The following CALN1 variants were observed in gnomAD, a reference collection of about 807,000 sequenced individuals.
CALN1 encodes the protein calneuron 1, also known as calcium-binding protein 8.
CALN1 carries 17 observed loss-of-function variants against 30.6 expected under a neutral mutation model. The ratio of observed to expected loss-of-function variants is 0.56; its 90% CI spans 0.38 to 0.83. The LOEUF is 0.83. Ranked by LOEUF, CALN1 falls within the 40% of genes least tolerant of loss-of-function variation. CALN1 has a pLI of 0.00. For missense variants in CALN1, 291 were observed against 354.9 expected, an observed-to-expected ratio of 0.82 and a Z score of 1.45; for synonymous variants, 156 against 131.4, an observed-to-expected ratio of 1.19 and a Z score of -1.28.
intron 2 of CALN1, among the ~76,000 whole-genome samples, chr7:72,291,924 T>C (rs974194889): frequency 1.3e-5 from 2 of 151,896 alleles, no homozygotes; most frequent in Non-Finnish European, 2.9e-5. Flanking sequence ...ATGTTGAAAT[T>C]CTTATTGCCA....
At chr7:72,314,706 T>C (rs1800314987) in intron 2 of CALN1, among the ~76,000 whole-genome samples, 2 of 151,700 alleles carry the variant, frequency 1.3e-5, no homozygotes, top group South Asian at 4.2e-4. Context: ...TGAGCCACCG[T>C]GCCCGGCCAT....
intron 4 of CALN1, among the ~76,000 whole-genome samples, chr7:72,038,020 G>A (rs1463439349): frequency 2.0e-5 from 3 of 152,232 alleles, no homozygotes; most frequent in African/African-American, 7.2e-5. Flanking sequence ...ACTTCAACCA[G>A]AGGGGAAGGG....
At chr7:72,381,301 A>G (rs1012889944) in intron 2 of CALN1, among the ~76,000 whole-genome samples, 4 of 152,236 alleles carry the variant, frequency 2.6e-5, no homozygotes, top group African/African-American at 9.6e-5. Context: ...ATCGAGAACC[A>G]GAAATACCAT....
At chr7:72,196,831 T>G (rs1322141632) in intron 3 of CALN1, among the ~76,000 whole-genome samples, 1 of 152,172 alleles carries the variant, frequency 6.6e-6, no homozygotes, top group Non-Finnish European at 1.5e-5. Context: ...ACTGGGTCAT[T>G]TGCCCAGCAG....
rs548374678 is a variant in CALN1 at position 72,274,624 on chromosome 7, A to G, written c.244+4062T>C. ...ATTCCATATAATGCACTCTAAAAGT[A>G]TAAGATATTGCTAATAAATCTGGTA... On this transcript the variant is annotated intron_variant, in intron 3 of 6. Transcript: ENST00000395275. Among the ~76,000 whole-genome samples the G allele has an allele frequency of 2.6e-5, 4 of 152,340 alleles. No homozygotes were observed. The South Asian group carries it at 8.3e-4, about 32-fold the overall frequency.
chr7:71,804,697 T>C (rs1054003915), intron 6 of CALN1, among the ~76,000 whole-genome samples: 1 of 152,042 alleles, frequency 6.6e-6, no homozygotes, highest in African/African-American at 2.4e-5. Flanking sequence ...CACATGCCTG[T>C]AATCCCAGCA....
intron 5 of CALN1, among the ~76,000 whole-genome samples, chr7:71,839,676 G>A (rs7790027): frequency 0.14 from 21,764 of 152,190 alleles, 1,676 homozygotes; most frequent in Non-Finnish European, 0.17. Context: ...GAGACCAGGA[G>A]TGCCAACTCA....
chr7:71,980,823 C>T lies in CALN1; in HGVS notation c.501+42834G>A, dbSNP rs558120909. ...GAGAGAGGTAGCGGGGTGCTCCTCC[C>T]CTCCTGTGGAAAGATGTCTAAAATT... is the stretch of plus-strand genomic sequence containing the variant. On this transcript the variant is annotated intron_variant, in intron 5 of 6. Coordinates refer to ENST00000395275, the MANE Select transcript of CALN1 (RefSeq NM_031468.4). 4.6e-5 allele frequency among the ~76,000 whole-genome samples: 7 copies of T among 152,280 alleles called. No homozygotes were observed. The South Asian group carries it at 1.4e-3, about 32-fold the overall frequency.
intron 5 of CALN1, among the ~76,000 whole-genome samples, chr7:71,915,253 A>G (rs1470970659): frequency 1.3e-5 from 2 of 152,212 alleles, no homozygotes; most frequent in African/African-American, 4.8e-5. Flanking sequence ...CACACTTGCA[A>G]TGACTGCCTT....
chr7:72,126,171 G>A (rs1189694359), intron 3 of CALN1, among the ~76,000 whole-genome samples: 3 of 152,098 alleles, frequency 2.0e-5, no homozygotes, highest in Non-Finnish European at 4.4e-5. Flanking sequence ...TACAATGTTT[G>A]GTTTTCCATT....
At chr7:72,248,821 A>ATT (rs35949137) in intron 3 of CALN1, among the ~76,000 whole-genome samples, 37 of 150,830 alleles carry the variant, frequency 2.5e-4, no homozygotes, top group Non-Finnish European at 3.6e-4. Flanking sequence ...TTCGATCTAG[A>ATT]TTTTTTTTTT....
rs1208263791 is a variant in CALN1, at chr7:71,874,654, T to C, written c.502-64162A>G. On this transcript the variant is annotated intron_variant, in intron 5 of 6. Coordinates refer to ENST00000395275, the MANE Select transcript of CALN1 (RefSeq NM_031468.4). ...AGAAAACAACTTTATTTTTCTGTGA[T>C]TCCCCGGGGCTAGTTCTGGCAAGAA... 3.3e-5 allele frequency among the ~76,000 whole-genome samples: 5 copies of C among 152,318 alleles called. No homozygotes were observed. The East Asian group carries it at 7.7e-4, about 24-fold the overall frequency.
intron 3 of CALN1, among the ~76,000 whole-genome samples, chr7:72,204,310 C>G (rs1052582272): frequency 6.6e-6 from 1 of 151,774 alleles, no homozygotes; most frequent in Non-Finnish European, 1.5e-5. Context: ...CAAGAGGACT[C>G]TTTTTTAATG....
At chr7:72,136,342 C>A (rs1261709329) in intron 3 of CALN1, among the ~76,000 whole-genome samples, 4 of 152,120 alleles carry the variant, frequency 2.6e-5, no homozygotes, top group African/African-American at 7.2e-5. Flanking sequence ...CATGAACCAA[C>A]CTTTGCTAGC....
chr7:71,876,499 C>G (rs1456646320), intron 5 of CALN1, among the ~76,000 whole-genome samples: 1 of 152,194 alleles, frequency 6.6e-6, no homozygotes, highest in East Asian at 1.9e-4. Flanking sequence ...TATCCAGTCT[C>G]AGCTATTCTG....
intron 2 of CALN1, among the ~76,000 whole-genome samples, chr7:72,319,692 C>G (rs982155986): frequency 1.8e-4 from 27 of 152,130 alleles, no homozygotes; most frequent in African/African-American, 6.5e-4. Flanking sequence ...ACTATGTTAA[C>G]AAATACATAT....
intron 2 of CALN1, among the ~76,000 whole-genome samples, chr7:72,366,103 G>A (rs888896560): frequency 2.6e-5 from 4 of 152,128 alleles, no homozygotes; most frequent in African/African-American, 7.2e-5. Flanking sequence ...ATTGATGAGT[G>A]ACTAAAGTAT....
At chr7:72,503,425 T>C in the CALN1 span, among the ~76,000 whole-genome samples, 1 of 152,022 alleles carries the variant, frequency 6.6e-6, no homozygotes, top group Non-Finnish European at 1.5e-5. Flanking sequence ...GGGGGTCCAG[T>C]TGCTTCTCAT....
intron 3 of CALN1, among the ~76,000 whole-genome samples, chr7:72,132,201 A>G (rs931060981): frequency 6.6e-6 from 1 of 152,154 alleles, no homozygotes; most frequent in Non-Finnish European, 1.5e-5. Context: ...TGCATTTAAT[A>G]CACCTAACCT....
Sources: allele counts gnomAD v4.1 joint callset (sites outside exome capture counted in the v4.1 genomes callset), GRCh38; gene constraint gnomAD v4.1.1; transcripts MANE v1.5; gene names NCBI Gene and HGNC (gene_info 2026-07-23, HGNC 2026-07-21).